KLHL29: variants seen among roughly 807,000 people sequenced by gnomAD.
KLHL29 encodes the protein kelch-like protein 29.
KLHL29 carries 21 observed loss-of-function variants against 80.4 expected under a neutral mutation model. That is an observed-to-expected ratio of 0.26 (90% CI 0.19 to 0.38). KLHL29 has a LOEUF of 0.38. Ranked by LOEUF, KLHL29 falls within the 10% of genes least tolerant of loss-of-function variation. KLHL29 has a pLI of 1.00. For synonymous variants in KLHL29, 511 were observed against 526.8 expected (o/e 0.97, Z 0.41); for missense variants, 867 against 1,223.9 (o/e 0.71, Z 4.35).
intron 1 of KLHL29, among the ~76,000 whole-genome samples, chr2:23,432,522 T>C (rs1349272495): frequency 6.6e-6 from 1 of 152,216 alleles, no homozygotes; most frequent in Non-Finnish European, 1.5e-5. Context: ...TCCTTGCACT[T>C]CTGGAAAAGG....
chr2:23,423,103 G>A lies in KLHL29; in HGVS notation c.-154+37323G>A, dbSNP rs184261004. On this transcript the variant is annotated intron_variant, in intron 1 of 13. Coordinates refer to ENST00000486442, the MANE Select transcript of KLHL29 (RefSeq NM_052920.2). The stretch of plus-strand genomic sequence containing the variant: ...GTGGCGGGGAGCCGCAGGCCTCAGC[G>A]TGGACAGTGGGGTTGGCGGGCCCCG... Among the ~76,000 whole-genome samples the A allele has an allele frequency of 4.4e-3, 665 of 152,368 alleles. 1 individual carries two copies. The highest frequency in any genetic ancestry group is 8.8e-3 in the Admixed American group (134 of 15,312).
intron 2 of KLHL29, among the ~76,000 whole-genome samples, chr2:23,541,765 CAAAAAACAA>C (rs1254682789): frequency 1.4e-5 from 2 of 139,890 alleles, no homozygotes; most frequent in Non-Finnish European, 3.0e-5. Context: ...AAGCCCAACC[CAAAAAACAA>C]AAAAAAAAAA....
rs1670653610 is a variant in KLHL29, at chr2:23,669,675, T to TC, written c.941-14718dup. ...GCGTTTGTGTTCACGTAGGGGATGG[T>TC]CCCCCCTCTGTGTGGCTGCCCTGCC... On this transcript the variant is annotated intron_variant, in intron 5 of 13. Coordinates refer to ENST00000486442, the MANE Select transcript of KLHL29 (RefSeq NM_052920.2). The surrounding 1 kb of genome is among the most constrained non-coding windows in gnomAD (Gnocchi z 4.3). Among the ~76,000 whole-genome samples, 1 of 151,916 alleles carries TC rather than the reference T, an allele frequency of 6.6e-6. No individual in the cohort carries two copies.
intron 7 of KLHL29, among the ~76,000 whole-genome samples, chr2:23,692,097 C>A (rs1671648424): frequency 6.6e-6 from 1 of 152,218 alleles, no homozygotes; most frequent in Admixed American, 6.5e-5. Context: ...CGTGTCATTT[C>A]TCTGTAGGTG....
chr2:23,500,019 C>T (rs1665392134), intron 2 of KLHL29, among the ~76,000 whole-genome samples: 1 of 152,172 alleles, frequency 6.6e-6, no homozygotes, highest in Non-Finnish European at 1.5e-5. Flanking sequence ...CTCCTTAGAC[C>T]TGTAAATATG....
intron 2 of KLHL29, among the ~76,000 whole-genome samples, chr2:23,502,497 GGGA>G (rs979727290): frequency 3.3e-5 from 5 of 152,234 alleles, no homozygotes; most frequent in African/African-American, 2.4e-5. Context: ...GCCCCTAAGG[GGGA>G]GGACACTTGC....
rs1477808692 is a variant in KLHL29, at chr2:23,639,372, G to A, written c.427+92G>A. The A allele has an allele frequency of 9.1e-6, 12 of 1,316,072 alleles. 1 individual carries two copies. The South Asian group carries it at 1.5e-4, about 16-fold the overall frequency. The allele number at this position is 1,316,072 out of a possible 1,614,324, so 81.5% of individuals were successfully genotyped here. A position where few individuals can be genotyped will look rare whatever the true frequency, so the allele number is the denominator to read the frequency against. ...GGGGACCCCAACTCCTGCACAGCAG[G>A]TCTTGAACCCAGGGCCTGCAGAAGC... On this transcript the variant is annotated intron_variant, in intron 4 of 13. Coordinates refer to ENST00000486442, the MANE Select transcript of KLHL29 (RefSeq NM_052920.2).
At chr2:23,410,060 A>G (rs1479853497) in intron 1 of KLHL29, among the ~76,000 whole-genome samples, 3 of 152,220 alleles carry the variant, frequency 2.0e-5, no homozygotes, top group African/African-American at 7.2e-5. Flanking sequence ...GGAGCATGGC[A>G]CAGGCGGAGA....
At chr2:23,661,047 G>C (rs534969339) in intron 5 of KLHL29, among the ~76,000 whole-genome samples, 1 of 148,790 alleles carries the variant, frequency 6.7e-6, no homozygotes, top group Admixed American at 6.7e-5. Flanking sequence ...AAAAAAGAGA[G>C]AGAGAGAGAG....
At chr2:23,518,897 C>A (rs1666017609) in intron 2 of KLHL29, among the ~76,000 whole-genome samples, 1 of 152,230 alleles carries the variant, frequency 6.6e-6, no homozygotes, top group Non-Finnish European at 1.5e-5. Context: ...GCATCAGAAG[C>A]AGCCAAAGTG....
intron 5 of KLHL29, among the ~76,000 whole-genome samples, chr2:23,652,453 C>T (rs1670112969): frequency 6.6e-6 from 1 of 152,234 alleles, no homozygotes; most frequent in Non-Finnish European, 1.5e-5. Flanking sequence ...CCCTGTTCTA[C>T]ATGACAGCCC....
intron 3 of KLHL29, among the ~76,000 whole-genome samples, chr2:23,602,496 G>T (rs1188996154): frequency 1.3e-5 from 2 of 152,148 alleles, no homozygotes; most frequent in Non-Finnish European, 2.9e-5. Context: ...AGGCCAGTGG[G>T]GAACTTTTAG....
At chr2:23,578,102 G>C (rs979847287) in intron 3 of KLHL29, among the ~76,000 whole-genome samples, 1 of 152,144 alleles carries the variant, frequency 6.6e-6, no homozygotes, top group Non-Finnish European at 1.5e-5. Context: ...TCTGTCCTAT[G>C]GCATGCCTGA....
At position 23,573,403 on chromosome 2, in the gene KLHL29, C is replaced by T. The variant is rs114460125; in HGVS notation, c.285+10922C>T. Among the ~76,000 whole-genome samples, 142 of 152,228 alleles carry T rather than the reference C, an allele frequency of 9.3e-4. 1 individual carries two copies. The highest frequency in any genetic ancestry group is 3.1e-3 in the African/African-American group (130 of 41,478). The stretch of plus-strand genomic sequence containing the variant: ...CGAGTAATTATTATTAGCACCACTT[C>T]AGAGATGAGAAAGACTAAGGAACTT... On this transcript the variant is annotated intron_variant, in intron 3 of 13. Coordinates refer to ENST00000486442, the MANE Select transcript of KLHL29 (RefSeq NM_052920.2).
chr2:23,699,267 T>C (rs1385945166), intron 11 of KLHL29, among the ~76,000 whole-genome samples: 1 of 152,180 alleles, frequency 6.6e-6, no homozygotes, highest in Non-Finnish European at 1.5e-5. Flanking sequence ...AGGCCCCGTA[T>C]GCCTCCCAGG....
chr2:23,694,045 G>A (rs1271765572), intron 8 of KLHL29, among the ~76,000 whole-genome samples: 1 of 152,194 alleles, frequency 6.6e-6, no homozygotes, highest in African/African-American at 2.4e-5. Flanking sequence ...TCAGAGGTAG[G>A]AAGTTAGATG....
At chr2:23,578,759 A>C (rs1013593076) in intron 3 of KLHL29, among the ~76,000 whole-genome samples, 6 of 152,238 alleles carry the variant, frequency 3.9e-5, no homozygotes, top group Admixed American at 2.6e-4. Flanking sequence ...ACAGCTGTGC[A>C]CTTTTGAAAA....
intron 1 of KLHL29, among the ~76,000 whole-genome samples, chr2:23,410,535 G>A (rs988108876): frequency 3.3e-5 from 5 of 152,122 alleles, no homozygotes; most frequent in African/African-American, 4.8e-5. Context: ...ATGTGTGTGG[G>A]TCTGGCTTTC....
At position 23,555,823 on chromosome 2, in the gene KLHL29, C is replaced by G. The variant is rs964595421; in HGVS notation, c.-45-6329C>G. ...CCAGCGCTGGCCTCTGCCCCACCTC[C>G]TCTGAGAGATGATCCGAATTGTGAG... On this transcript the variant is annotated intron_variant, in intron 2 of 13. Transcript: ENST00000486442. 1.6e-4 allele frequency among the ~76,000 whole-genome samples: 25 copies of G among 152,252 alleles called. 1 individual carries two copies. The highest frequency in any genetic ancestry group is 6.0e-4 in the African/African-American group (25 of 41,474).
Sources: allele counts gnomAD v4.1 joint callset (sites outside exome capture counted in the v4.1 genomes callset), GRCh38; gene constraint gnomAD v4.1.1; non-coding constraint Gnocchi (gnomAD v3.1); transcripts MANE v1.5; gene names NCBI Gene and HGNC (gene_info 2026-07-23, HGNC 2026-07-21).